TNIP1: variants seen among roughly 807,000 people sequenced by gnomAD.
The protein encoded by TNIP1 is TNFAIP3-interacting protein 1.
A neutral mutation model predicts 86.6 loss-of-function variants in TNIP1; 22 were observed. The ratio of observed to expected loss-of-function variants is 0.25; its 90% CI spans 0.18 to 0.36. TNIP1 has a LOEUF of 0.36. Ranked by LOEUF, TNIP1 falls within the 10% of genes least tolerant of loss-of-function variation. TNIP1 has a pLI of 1.00. For missense variants in TNIP1, 709 were observed against 820.6 expected, an observed-to-expected ratio of 0.86 and a Z score of 1.66; for synonymous variants, 294 against 313.0, an observed-to-expected ratio of 0.94 and a Z score of 0.64.
intron 11 of TNIP1, 93 bp downstream of exon 11, chr5:151,042,447 C>G: frequency 6.5e-7 from 1 of 1,536,740 alleles, no homozygotes; most frequent in South Asian, 1.2e-5. Context: ...ACCCCCGGGT[C>G]TCCTGACTCC....
chr5:151,033,558 T>G (rs1757197227), intron 16 of TNIP1, 50 bp downstream of exon 16: 1 of 1,224,466 alleles, frequency 8.2e-7, no homozygotes, highest in Non-Finnish European at 1.1e-6. Flanking sequence ...GGAAGGTGTC[T>G]GGGGCAGCCT....
chr5:151,030,629 G>A lies in TNIP1; in HGVS notation c.*84C>T, dbSNP rs547795917. ...ATCCAGCTGAGGCTCTGGCCACACC[G>A]TGCAAGTGGCTTCTAGTTTCTTGGC... is the stretch of plus-strand genomic sequence containing the variant. On this transcript the variant is annotated 3_prime_UTR_variant, in exon 18 of 18. Coordinates refer to ENST00000521591, the MANE Select transcript of TNIP1 (RefSeq NM_006058.5). The A allele has an allele frequency of 4.1e-5, 66 of 1,605,058 alleles. No homozygotes were observed. The highest frequency in any genetic ancestry group is 1.2e-4 in the South Asian group (11 of 89,764).
At chr5:151,059,797 GA>G (rs1226553261) in intron 5 of TNIP1, among the ~76,000 whole-genome samples, 32 of 104,530 alleles carry the variant, frequency 3.1e-4, no homozygotes, top group African/African-American at 1.6e-3. Flanking sequence ...GAGAGAGAGA[GA>G]GAGAGAGAGA....
chr5:151,062,167 G>C lies in TNIP1; in HGVS notation c.317C>G (p.Pro106Arg), dbSNP rs771643911. Reference sequence around the variant, plus strand: ...CTGGACTGGTGCTGGCTTGTCACTGGGGCATGCAGGGGCTGTGGGAGATGC... The same window carrying C: ...CTGGACTGGTGCTGGCTTGTCACTGCGGCATGCAGGGGCTGTGGGAGATGC... ...VTASPTAPAC[P>R]SDKPAPVQKP... The change falls in exon 4 of 18, where the codon CCC becomes CGC. Residue 106 changes from proline to arginine, a missense_variant. By Grantham distance (103) the Pro-to-Arg change is moderately radical. Coordinates refer to ENST00000521591, the MANE Select transcript of TNIP1 (RefSeq NM_006058.5). The C allele has an allele frequency of 2.5e-6, 4 of 1,614,140 alleles. No individual in the cohort carries two copies. The highest frequency in any genetic ancestry group is 1.7e-5 in the Admixed American group (1 of 60,022).
At position 151,064,980 on chromosome 5, in the gene TNIP1, A is replaced by T. The variant is rs1175892019; in HGVS notation, c.116T>A (p.Met39Lys). The part of the protein sequence containing the change: ...VKENSRLKEK[M>K]QGIKMLGELL... ...TTTACCTAACATCTTTATCCCTTGC[A>T]TTTTTTCCTTCAGCCGGGAATTCTC... Residue 39 changes from methionine to lysine, a missense_variant, in exon 2 of 18, where the codon ATG becomes AAG. Coordinates refer to ENST00000521591, the MANE Select transcript of TNIP1 (RefSeq NM_006058.5). 1.2e-6 allele frequency: 2 copies of T among 1,613,874 alleles called. No homozygotes were observed. Among genetic ancestry groups the T allele is most frequent in the Non-Finnish European group, 1.7e-6 (2 of 1,179,998 alleles).
intron 5 of TNIP1, among the ~76,000 whole-genome samples, chr5:151,059,799 GA>G (rs1761168422): frequency 2.8e-5 from 3 of 106,680 alleles, no homozygotes; most frequent in African/African-American, 1.4e-4. Flanking sequence ...GAGAGAGAGA[GA>G]GAGAGAGAGA....
upstream of TNIP1, among the ~76,000 whole-genome samples, chr5:151,084,891 T>C (rs753481049): frequency 6.6e-6 from 1 of 152,198 alleles, no homozygotes; most frequent in East Asian, 1.9e-4. Context: ...TAAATGAGAA[T>C]GCATATCAAG....
chr5:151,035,994 C>T (rs1239585511), intron 13 of TNIP1, among the ~76,000 whole-genome samples: 5 of 152,322 alleles, frequency 3.3e-5, no homozygotes, highest in Middle Eastern at 3.4e-3. Context: ...CCTTTCACTC[C>T]GCTGAGACCC....
chr5:151,049,882 C>A lies in TNIP1; in HGVS notation c.788G>T (p.Arg263Leu). 1 of 1,614,164 alleles carries A rather than the reference C, an allele frequency of 6.2e-7. No homozygotes were observed. Among genetic ancestry groups the A allele is most frequent in the Non-Finnish European group, 8.5e-7 (1 of 1,180,018 alleles). Residue 263 changes from arginine to leucine, a missense_variant, in exon 8 of 18, where the codon CGG becomes CTG. Arg to Leu is a moderately radical substitution (Grantham distance 102). Coordinates refer to ENST00000521591, the MANE Select transcript of TNIP1 (RefSeq NM_006058.5). ...SNGNKEGASG[R>L]PGSPKMEGTG... is the part of the protein sequence containing the mutation. The stretch of plus-strand genomic sequence containing the variant: ...CCCTTCCATCTTCGGTGAGCCTGGC[C>A]GCCCAGACGCACCCTCTTTGTTGCC...
chr5:151,073,622 A>G (rs960165476), intron 1 of TNIP1, among the ~76,000 whole-genome samples: 2 of 133,624 alleles, frequency 1.5e-5, no homozygotes, highest in Non-Finnish European at 3.1e-5. Context: ...TTAAATGTGC[A>G]TAGAAAAAGG....
intron 1 of TNIP1, among the ~76,000 whole-genome samples, chr5:151,066,190 AG>A (rs1453067958): frequency 6.6e-6 from 1 of 152,254 alleles, no homozygotes; most frequent in African/African-American, 2.4e-5. Flanking sequence ...TATGCACAAA[AG>A]GCCCCAAGCA....
At chr5:151,082,920 A>G (rs1464668585), upstream of TNIP1, among the ~76,000 whole-genome samples, 1 of 152,200 alleles carries the variant, frequency 6.6e-6, no homozygotes, top group Non-Finnish European at 1.5e-5. Context: ...GAGCCCATAG[A>G]TAACAAACCC....
In TNIP1 at chr5:151,032,429, T is replaced by C. The variant is rs1246357020; in HGVS notation, c.1780-46A>G. The C allele has an allele frequency of 4.5e-6, 7 of 1,565,134 alleles. No individual in the cohort carries two copies. The Admixed American group carries it at 1.2e-4, about 27-fold the overall frequency. On this transcript the variant is annotated intron_variant, in intron 16 of 17. Transcript: ENST00000521591. ...AATAATCAATAATCACACCCAAAAA[T>C]TACAATAGCACCTACTGTGCCAGGA...
intron 17 of TNIP1, among the ~76,000 whole-genome samples, chr5:151,031,162 AATG>A (rs1392085728): frequency 2.6e-5 from 4 of 152,022 alleles, no homozygotes; most frequent in African/African-American, 9.7e-5. Context: ...AAAAACAGAA[AATG>A]ACTGAGCAGC....
chr5:151,039,310 T>TAA, intron 11 of TNIP1, 85 bp from the exon 12 acceptor site: 10 of 1,466,660 alleles, frequency 6.8e-6, no homozygotes, highest in Non-Finnish European at 8.2e-6. Flanking sequence ...GCCCAGCCCT[T>TAA]ACGTTCTCCC....
At chr5:151,086,833 G>T (rs1764297081) in intron 1 of TNIP1, among the ~76,000 whole-genome samples, 1 of 152,278 alleles carries the variant, frequency 6.6e-6, no homozygotes, top group Non-Finnish European at 1.5e-5. Flanking sequence ...CAGAAGAAGA[G>T]GGGCAGGAAG....
intron 6 of TNIP1, 33 bp downstream of exon 6, chr5:151,056,733 C>T (rs768867685): frequency 9.0e-6 from 13 of 1,443,560 alleles, no homozygotes; most frequent in Non-Finnish European, 1.2e-5. Flanking sequence ...AGCACGCCTG[C>T]CTGTCTCGGG....
At chr5:151,048,458 C>T (rs1019891704) in intron 8 of TNIP1, among the ~76,000 whole-genome samples, 2 of 152,166 alleles carry the variant, frequency 1.3e-5, no homozygotes, top group Non-Finnish European at 2.9e-5. Flanking sequence ...CCCAAGGTTG[C>T]AGTGCTGGTA....
intron 7 of TNIP1, 81 bp from the exon 8 acceptor site, chr5:151,050,028 C>T (rs1759702834): frequency 2.5e-6 from 4 of 1,589,496 alleles, no homozygotes; most frequent in Non-Finnish European, 3.4e-6. Context: ...CTCACTATCG[C>T]ATGAGTTGCA....
Sources: gnomAD v4.1 joint callset for allele counts (sites outside exome capture counted in the v4.1 genomes callset) on GRCh38, gnomAD v4.1.1 for gene constraint, MANE v1.5 for transcripts, NCBI Gene and HGNC (gene_info 2026-07-23, HGNC 2026-07-21) for gene names.